The following SH3TC2 variants were observed in gnomAD, a reference collection of about 807,000 sequenced individuals.
The protein encoded by SH3TC2 is SH3 domain and tetratricopeptide repeats 2, also known as SH3 domain and tetratricopeptide repeat-containing protein 2.
A neutral mutation model predicts 124.5 loss-of-function variants in SH3TC2; 87 were observed. The observed-to-expected ratio is 0.70, with a 90% CI of 0.59 to 0.84. SH3TC2 has a LOEUF of 0.84. Ranked by LOEUF, SH3TC2 falls within the 40% of genes least tolerant of loss-of-function variation. The probability of loss-of-function intolerance (pLI) is 0.00; values close to 1 mark genes in which losing one functional copy is unlikely to be tolerated. For synonymous variants in SH3TC2, 634 were observed against 628.5 expected (o/e 1.01, Z -0.13); for missense variants, 1,536 against 1,566.4 (o/e 0.98, Z 0.33).
In SH3TC2 at chr5:148,987,662, G is replaced by C. The variant is rs1330263975; in HGVS notation, c.*17049C>G. On this transcript the variant is annotated 3_prime_UTR_variant, in exon 17 of 17. Coordinates refer to ENST00000515425, the MANE Select transcript of SH3TC2 (RefSeq NM_024577.4). ...CCAGGAATGACTACAGAAACAAAGGGAAACCTTATAACGAGTGTGGTGGAG... is the reference window on the plus strand; with the variant it reads ...CCAGGAATGACTACAGAAACAAAGGCAAACCTTATAACGAGTGTGGTGGAG... Among the ~76,000 whole-genome samples the C allele has an allele frequency of 3.9e-5, 6 of 152,130 alleles. No homozygotes were observed. Among genetic ancestry groups the C allele is most frequent in the Non-Finnish European group, 7.4e-5 (5 of 68,026 alleles).
At chr5:149,055,035 T>C (rs969997497) in intron 1 of SH3TC2, among the ~76,000 whole-genome samples, 1 of 152,094 alleles carries the variant, frequency 6.6e-6, no homozygotes, top group African/African-American at 2.4e-5. Context: ...ATTTTTTAGA[T>C]AATTGTTTTT....
intron 1 of SH3TC2, among the ~76,000 whole-genome samples, chr5:149,061,467 T>C (rs1754746425): frequency 6.6e-6 from 1 of 152,132 alleles, no homozygotes; most frequent in Admixed American, 6.5e-5. Context: ...TTAACAATGG[T>C]GAATTTTATT....
At position 149,002,101 on chromosome 5, in the gene SH3TC2, C is replaced by G. The variant is rs1257218172; in HGVS notation, c.*2610G>C. The G allele has an allele frequency of 6.6e-6, 1 of 152,666 alleles. No individual in the cohort carries two copies. The highest frequency in any genetic ancestry group is 1.5e-5 in the Non-Finnish European group (1 of 68,048). The allele number at this position is 152,666 out of a possible 1,614,324, so 9.5% of individuals were successfully genotyped here. ...CAAAAGCCTCATGCAGTTGTGGGAA[C>G]TGCTCTTTCAGAGAAACAGAAACAA... On this transcript the variant is annotated 3_prime_UTR_variant, in exon 17 of 17. Coordinates refer to ENST00000515425, the MANE Select transcript of SH3TC2 (RefSeq NM_024577.4).
intron 8 of SH3TC2, 72 bp from the exon 9 acceptor site, chr5:149,031,759 C>A: frequency 1.3e-6 from 2 of 1,593,970 alleles, no homozygotes; most frequent in East Asian, 4.5e-5. Context: ...TCTCTCCACA[C>A]TAGGATGTAG....
chr5:149,049,308 C>G (rs1001954173), intron 2 of SH3TC2, among the ~76,000 whole-genome samples: 2 of 152,182 alleles, frequency 1.3e-5, no homozygotes, highest in African/African-American at 4.8e-5. Context: ...TAGGAGGAGG[C>G]ACAGTGCAAA....
chr5:149,035,334 C>T (rs1051629442), intron 8 of SH3TC2: 2 of 152,012 alleles, frequency 1.3e-5, no homozygotes, highest in African/African-American at 2.4e-5. Context: ...TTAATTTAGG[C>T]ACTTAAGTAT....
chr5:148,996,832 G>T lies in SH3TC2; in HGVS notation c.*7879C>A, dbSNP rs774535587. ...TACAGATCATGTTTAACTATGGTCC[G>T]CTAGATTTGGAAGGTTAAAATAAAA... On this transcript the variant is annotated 3_prime_UTR_variant, in exon 17 of 17. Transcript: ENST00000515425. 2.6e-5 allele frequency among the ~76,000 whole-genome samples: 4 copies of T among 152,118 alleles called. No individual in the cohort carries two copies. Among genetic ancestry groups the T allele is most frequent in the African/African-American group, 9.7e-5 (4 of 41,414 alleles).
chr5:149,004,730 C>G lies in SH3TC2; in HGVS notation c.3848G>C (p.Gly1283Ala). 1 of 1,613,482 alleles carries G rather than the reference C, an allele frequency of 6.2e-7. No homozygotes were observed. The highest frequency in any genetic ancestry group is 8.5e-7 in the Non-Finnish European group (1 of 1,179,980). Residue 1283 changes from glycine to alanine, a missense_variant, in exon 17 of 17, where the codon GGT becomes GCT. Around this residue, in one of 3 missense-constraint regions of SH3TC2, gnomAD observed 426 missense variants for 443.5 expected, o/e 0.96. Coordinates refer to ENST00000515425, the MANE Select transcript of SH3TC2 (RefSeq NM_024577.4). ...CTTTCCTCAGAGGGCCAGGCCACCA[C>G]CACTCAGCCACCGCGCCCTCTCTGA... ...CSSERARWLSGGGLAL is the reference protein window; with the variant it reads ...CSSERARWLSAGGLAL
At position 148,996,621 on chromosome 5, in the gene SH3TC2, C is replaced by T. The variant is rs986702669; in HGVS notation, c.*8090G>A. 1.1e-4 allele frequency among the ~76,000 whole-genome samples: 16 copies of T among 152,326 alleles called. No individual in the cohort carries two copies. The highest frequency in any genetic ancestry group is 3.8e-4 in the African/African-American group (16 of 41,568). On this transcript the variant is annotated 3_prime_UTR_variant, in exon 17 of 17. Transcript: ENST00000515425. ...CAGATGTAGCCATTGTCACTGCTTG[C>T]TGTCTGGTACAATGTTCAAAGAATT...
Position 149,010,394 on chromosome 5 carries a change from T to C in SH3TC2, c.3205-2A>G, listed in dbSNP as rs2127392891. On this transcript the variant is annotated splice_acceptor_variant, in intron 13 of 16. Coordinates refer to ENST00000515425, the MANE Select transcript of SH3TC2 (RefSeq NM_024577.4). LOFTEE classifies it high-confidence loss of function. ...CTTCAGGGCTGTCTGGATGGCTGCCTAGGTGGGACAGAGACAGCTGTTAAA... is the reference window on the plus strand; with the variant it reads ...CTTCAGGGCTGTCTGGATGGCTGCCCAGGTGGGACAGAGACAGCTGTTAAA... 6.2e-7 allele frequency: 1 copy of C among 1,613,838 alleles called. No homozygotes were observed. Among genetic ancestry groups the C allele is most frequent in the Non-Finnish European group, 8.5e-7 (1 of 1,180,006 alleles).
chr5:148,992,489 G>A lies in SH3TC2; in HGVS notation c.*12222C>T, dbSNP rs758715798. 7.2e-5 allele frequency among the ~76,000 whole-genome samples: 11 copies of A among 151,872 alleles called. No homozygotes were observed. Among genetic ancestry groups the A allele is most frequent in the African/African-American group, 2.2e-4 (9 of 41,342 alleles). ...CCTGGACAGGTCCTGACAGATTACCGAGACTGAGGTTTTTAACTCATCATC... is the reference window on the plus strand; with the variant it reads ...CCTGGACAGGTCCTGACAGATTACCAAGACTGAGGTTTTTAACTCATCATC... On this transcript the variant is annotated 3_prime_UTR_variant, in exon 17 of 17. Coordinates refer to ENST00000515425, the MANE Select transcript of SH3TC2 (RefSeq NM_024577.4).
In SH3TC2 at chr5:149,017,280, C is replaced by A. The variant is rs1437906100; in HGVS notation, c.3054-4546G>T. The stretch of plus-strand genomic sequence containing the variant: ...ATAGAGCCACAGAGTTCTCATGGAC[C>A]CCATCCGGCTCAGTTCTATGGCCAG... On this transcript the variant is annotated intron_variant, in intron 12 of 16. Coordinates refer to ENST00000515425, the MANE Select transcript of SH3TC2 (RefSeq NM_024577.4). Among the ~76,000 whole-genome samples the A allele has an allele frequency of 3.3e-5, 5 of 152,056 alleles. No homozygotes were observed. The South Asian group carries it at 8.3e-4, about 25-fold the overall frequency.
chr5:149,057,846 T>A (rs752851359), intron 1 of SH3TC2, among the ~76,000 whole-genome samples: 25 of 152,130 alleles, frequency 1.6e-4, no homozygotes, highest in Non-Finnish European at 3.2e-4. Context: ...TCTCCCTAGC[T>A]CCAAAAGTGA....
intron 12 of SH3TC2, among the ~76,000 whole-genome samples, chr5:149,013,893 T>A (rs1753826306): frequency 6.6e-6 from 1 of 152,218 alleles, no homozygotes; most frequent in Admixed American, 6.5e-5. Flanking sequence ...GTTGCAACTT[T>A]ATGATAGCCT....
chr5:149,052,019 T>C (rs1347911757), intron 2 of SH3TC2, 123 bp downstream of exon 2: 7 of 771,732 alleles, frequency 9.1e-6, no homozygotes, highest in South Asian at 5.6e-5. Context: ...AGCAAGCAAA[T>C]AGCATAGTCA....
At chr5:149,052,313 G>T in intron 1 of SH3TC2, 73 bp from the exon 2 acceptor site, 1 of 1,236,294 alleles carries the variant, frequency 8.1e-7, no homozygotes, top group Non-Finnish European at 1.2e-6. Context: ...CAAGGCTGTA[G>T]TTTTGGTCAA....
Position 148,993,746 on chromosome 5 carries a change from T to C in SH3TC2, c.*10965A>G, listed in dbSNP as rs1753458476. 6.6e-6 allele frequency among the ~76,000 whole-genome samples: 1 copy of C among 152,210 alleles called. No homozygotes were observed. The highest frequency in any genetic ancestry group is 1.5e-5 in the Non-Finnish European group (1 of 68,042). ...GGGAGGCAGACTGAGACCATCACTG[T>C]CACATGCTCACTTGAATAGCCAAGC... On this transcript the variant is annotated 3_prime_UTR_variant, in exon 17 of 17. Coordinates refer to ENST00000515425, the MANE Select transcript of SH3TC2 (RefSeq NM_024577.4).
At chr5:149,025,843 T>A (rs981803314) in intron 12 of SH3TC2, 1 of 152,238 alleles carries the variant, frequency 6.6e-6, no homozygotes, top group African/African-American at 2.4e-5. Flanking sequence ...AAAAAATCAA[T>A]CACAAAACAA....
intron 8 of SH3TC2, among the ~76,000 whole-genome samples, chr5:149,033,054 TGGTGCA>T (rs1754223654): frequency 6.6e-6 from 1 of 152,222 alleles, no homozygotes; most frequent in Admixed American, 6.5e-5. Flanking sequence ...AACAACTTTA[TGGTGCA>T]GGTTTTTTTA....
Sources: allele counts gnomAD v4.1 joint callset (sites outside exome capture counted in the v4.1 genomes callset), GRCh38; gene constraint gnomAD v4.1.1; regional missense constraint gnomAD v4.1.1; transcripts MANE v1.5; gene names NCBI Gene and HGNC (gene_info 2026-07-23, HGNC 2026-07-21).